Variants in SDK1 observed in about 807,000 individuals in gnomAD.
The protein encoded by SDK1 is sidekick cell adhesion molecule 1.
In SDK1, 157 loss-of-function variants were observed where a neutral mutation model predicts 245.5. The ratio of observed to expected loss-of-function variants is 0.64; its 90% CI spans 0.56 to 0.73. SDK1 has a LOEUF of 0.73. Ranked by LOEUF, SDK1 falls within the 30% of genes least tolerant of loss-of-function variation. SDK1 has a pLI of 0.00. For missense variants in SDK1, 3,583 were observed against 3,002.3 expected, an observed-to-expected ratio of 1.19 and a Z score of -4.52; for synonymous variants, 1,647 against 1,278.5, an observed-to-expected ratio of 1.29 and a Z score of -6.15.
At chr7:3,668,179 G>A (rs955517129) in intron 4 of SDK1, among the ~76,000 whole-genome samples, 1 of 152,232 alleles carries the variant, frequency 6.6e-6, no homozygotes, top group Non-Finnish European at 1.5e-5. Context: ...ACCCATCTTA[G>A]AACAAAATAA....
chr7:3,469,460 A>G (rs1470523463), intron 1 of SDK1, among the ~76,000 whole-genome samples: 4 of 152,182 alleles, frequency 2.6e-5, no homozygotes, highest in Admixed American at 1.3e-4. Context: ...CTTGGAAGGA[A>G]TTAAGACCTG....
intron 4 of SDK1, among the ~76,000 whole-genome samples, chr7:3,665,185 C>G (rs1304066409): frequency 6.6e-6 from 1 of 152,182 alleles, no homozygotes; most frequent in Non-Finnish European, 1.5e-5. Context: ...CTCTGTGCCT[C>G]CTCAACAGGA....
chr7:4,243,104 A>C (rs1786633348), intron 43 of SDK1, among the ~76,000 whole-genome samples: 2 of 152,336 alleles, frequency 1.3e-5, no homozygotes, highest in Non-Finnish European at 2.9e-5. Flanking sequence ...TGTAGTTTCA[A>C]GGCCAGGAGG....
At chr7:3,800,012 G>A (rs1222066234) in intron 4 of SDK1, among the ~76,000 whole-genome samples, 2 of 152,068 alleles carry the variant, frequency 1.3e-5, no homozygotes, top group Admixed American at 6.5e-5. Context: ...TACTATGCAG[G>A]TTCTGTGATA....
At chr7:4,081,096 C>A (rs1258911077) in intron 22 of SDK1, among the ~76,000 whole-genome samples, 1 of 152,180 alleles carries the variant, frequency 6.6e-6, no homozygotes, top group Non-Finnish European at 1.5e-5. Flanking sequence ...ATAGCTGAGG[C>A]CAGGAGGCAG....
chr7:4,044,861 C>T (rs1788905133), intron 17 of SDK1, among the ~76,000 whole-genome samples: 1 of 152,204 alleles, frequency 6.6e-6, no homozygotes, highest in Admixed American at 6.5e-5. Context: ...AGCCCACATT[C>T]ACCAGCGTGA....
intron 1 of SDK1, among the ~76,000 whole-genome samples, chr7:3,436,773 T>A (rs973299236): frequency 1.3e-5 from 2 of 152,174 alleles, no homozygotes; most frequent in Non-Finnish European, 2.9e-5. Context: ...CCTCACTGTC[T>A]TCCCCTTTCC....
chr7:4,172,261 A>G (rs1367831838), intron 32 of SDK1, among the ~76,000 whole-genome samples: 3 of 152,192 alleles, frequency 2.0e-5, no homozygotes, highest in African/African-American at 7.2e-5. Flanking sequence ...CTAATGTGGT[A>G]GCAGGCCTCA....
intron 35 of SDK1, among the ~76,000 whole-genome samples, chr7:4,186,684 C>T (rs1782917915): frequency 6.6e-6 from 1 of 152,170 alleles, no homozygotes; most frequent in Non-Finnish European, 1.5e-5. Flanking sequence ...CCCCCCGCTG[C>T]TCCAGCTTCC....
Position 3,482,933 on chromosome 7 carries a change from G to C in SDK1, c.299-136147G>C, listed in dbSNP as rs572808787. 4.9e-4 allele frequency among the ~76,000 whole-genome samples: 74 copies of C among 151,448 alleles called. 1 individual carries two copies. Among genetic ancestry groups the C allele is most frequent in the African/African-American group, 1.8e-3 (73 of 40,704 alleles). Reference sequence around the variant, plus strand: ...AGTAAACGTTAGCTATGATGATGCTGGTGACAACAATGATGATTTCAAGTC... The same window carrying C: ...AGTAAACGTTAGCTATGATGATGCTCGTGACAACAATGATGATTTCAAGTC... On this transcript the variant is annotated intron_variant, in intron 1 of 44. Coordinates refer to ENST00000404826, the MANE Select transcript of SDK1 (RefSeq NM_152744.4).
chr7:3,443,680 A>G (rs1780261495), intron 1 of SDK1, among the ~76,000 whole-genome samples: 1 of 152,168 alleles, frequency 6.6e-6, no homozygotes, highest in African/African-American at 2.4e-5. Context: ...CTTCATTTGT[A>G]ATTGCGAAGG....
At chr7:3,645,576 T>C (rs1384224423) in intron 4 of SDK1, among the ~76,000 whole-genome samples, 1 of 152,218 alleles carries the variant, frequency 6.6e-6, no homozygotes, top group Non-Finnish European at 1.5e-5. Context: ...ACCCTGAAAC[T>C]ATGTACATCT....
intron 1 of SDK1, among the ~76,000 whole-genome samples, chr7:3,501,709 A>G (rs1470976692): frequency 1.3e-5 from 2 of 152,226 alleles, no homozygotes; most frequent in South Asian, 2.1e-4. Context: ...TTACTGGTCC[A>G]TAATTATCAT....
chr7:4,126,276 A>G lies in SDK1; in HGVS notation c.3824-1105A>G, dbSNP rs533710336. On this transcript the variant is annotated intron_variant, in intron 25 of 44. Transcript: ENST00000404826. Reference sequence around the variant, plus strand: ...AATCGGTCCACAAGAAAATTAACAAAGCAAATGGAGATTGTCTAGAATATA... The same window carrying G: ...AATCGGTCCACAAGAAAATTAACAAGGCAAATGGAGATTGTCTAGAATATA... Among the ~76,000 whole-genome samples, 15 of 152,386 alleles carry G rather than the reference A, an allele frequency of 9.8e-5. No homozygotes were observed. The South Asian group carries it at 1.7e-3, about 17-fold the overall frequency.
chr7:3,623,748 A>AC (rs1433892747), intron 2 of SDK1, among the ~76,000 whole-genome samples: 1 of 152,232 alleles, frequency 6.6e-6, no homozygotes, highest in Non-Finnish European at 1.5e-5. Context: ...ACATATACAT[A>AC]CACCTAAGCC....
At chr7:3,974,047 G>C (rs1024186298) in intron 12 of SDK1, among the ~76,000 whole-genome samples, 1 of 151,730 alleles carries the variant, frequency 6.6e-6, no homozygotes, top group Admixed American at 6.6e-5. Flanking sequence ...AGCCAAGCAT[G>C]GTGGCATACA....
intron 7 of SDK1, chr7:3,957,957 C>A: frequency 2.1e-6 from 1 of 470,570 alleles, no homozygotes. Flanking sequence ...ATCACTTTGC[C>A]TCCTTCCAGA....
chr7:3,705,354 G>A (rs934697591), intron 4 of SDK1, among the ~76,000 whole-genome samples: 1 of 151,020 alleles, frequency 6.6e-6, no homozygotes, highest in Non-Finnish European at 1.5e-5. Context: ...TGTCATCTAT[G>A]ATTTTTTTCA....
intron 1 of SDK1, among the ~76,000 whole-genome samples, chr7:3,600,553 T>TTG (rs1781222479): frequency 8.4e-6 from 1 of 119,146 alleles, no homozygotes; most frequent in Non-Finnish European, 1.8e-5. Flanking sequence ...TAGATGTAGT[T>TTG]TTTTTTTTTT....
Sources: allele counts gnomAD v4.1 joint callset (sites outside exome capture counted in the v4.1 genomes callset), GRCh38; gene constraint gnomAD v4.1.1; transcripts MANE v1.5; gene names NCBI Gene and HGNC (gene_info 2026-07-23, HGNC 2026-07-21).